HIVEP3: variants seen among roughly 807,000 people sequenced by gnomAD.
HIVEP3 encodes transcription factor HIVEP3.
Under a neutral mutation model 152.8 loss-of-function variants are expected in HIVEP3, and 49 were observed. The observed-to-expected ratio is 0.32, with a 90% CI of 0.26 to 0.41. The LOEUF is 0.41. Among genes scored for constraint, HIVEP3 ranks in the 10% least tolerant of loss-of-function variants. HIVEP3 has a pLI of 1.00. For synonymous variants in HIVEP3, 1,269 were observed against 1,289.0 expected, an observed-to-expected ratio of 0.98 and a Z score of 0.33; for missense variants, 2,790 against 3,103.3, an observed-to-expected ratio of 0.90 and a Z score of 2.40.
At chr1:41,963,072 C>T (rs1426389750) in intron 1 of HIVEP3, among the ~76,000 whole-genome samples, 1 of 152,132 alleles carries the variant, frequency 6.6e-6, no homozygotes, top group Non-Finnish European at 1.5e-5. Flanking sequence ...AGTGCAGTGG[C>T]GCGATCTCGG....
At chr1:41,626,549 C>T (rs552509674) in intron 3 of HIVEP3, among the ~76,000 whole-genome samples, 237 of 152,306 alleles carry the variant, frequency 1.6e-3, no homozygotes, top group Non-Finnish European at 3.0e-3. Context: ...CCCATCTGTA[C>T]TCCCTGGACA....
At chr1:41,728,058 G>A (rs1273119886) in intron 1 of HIVEP3, among the ~76,000 whole-genome samples, 1 of 152,138 alleles carries the variant, frequency 6.6e-6, no homozygotes, top group Admixed American at 6.5e-5. Flanking sequence ...ATGCATCAAC[G>A]CTTGCTGGTC....
upstream of HIVEP3, among the ~76,000 whole-genome samples, chr1:41,922,159 C>G (rs1225227218): frequency 6.6e-6 from 1 of 152,220 alleles, no homozygotes; most frequent in Non-Finnish European, 1.5e-5. Flanking sequence ...AGCAGGACTA[C>G]TGAAAGAATA....
rs746848465 is a variant in HIVEP3, at chr1:41,510,847, G to C, written c.6825C>G (p.Pro2275=). ...LSSELEGGDY[P]KERERTGGGP... ...CTCCGCCGGTCCTCTCCCTCTCCTT[G>C]GGGTAGTCCCCGCCCTCCAGCTCTG... The change falls in exon 9 of 9, where the codon CCC becomes CCG. Residue 2275 remains proline, a synonymous_variant. Coordinates refer to ENST00000372583, the MANE Select transcript of HIVEP3 (RefSeq NM_024503.5). 3.7e-6 allele frequency: 6 copies of C among 1,613,148 alleles called. No individual in the cohort carries two copies. The South Asian group carries it at 6.6e-5, about 18-fold the overall frequency.
chr1:41,510,215 T>G lies in HIVEP3; in HGVS notation c.*236A>C. 7.9e-6 allele frequency: 3 copies of G among 377,836 alleles called. No individual in the cohort carries two copies. The highest frequency in any genetic ancestry group is 9.1e-5 in the Admixed American group (2 of 21,890). 23.4% of individuals were successfully genotyped at this position (377,836 alleles called of 1,614,324 possible). A position where few individuals can be genotyped will look rare whatever the true frequency, so the allele number is the denominator to read the frequency against. On this transcript the variant is annotated 3_prime_UTR_variant, in exon 9 of 9. Coordinates refer to ENST00000372583, the MANE Select transcript of HIVEP3 (RefSeq NM_024503.5). ...TCACAGCCTCAGACTCCTCGTGGGT[T>G]GTTGTTTTTTTTTTAAATGTATGTA...
intron 1 of HIVEP3, among the ~76,000 whole-genome samples, chr1:42,005,547 G>A (rs1394988308): frequency 1.3e-5 from 2 of 152,114 alleles, no homozygotes; most frequent in Admixed American, 6.6e-5. Context: ...AACGATGGGG[G>A]GCTACCTTTA....
In HIVEP3 at chr1:41,716,680, G is replaced by T. The variant is rs114581625; in HGVS notation, c.-800-15685C>A. On this transcript the variant is annotated intron_variant, in intron 1 of 8. Transcript: ENST00000372583. Reference sequence around the variant, plus strand: ...CATTGGGAAATAGTCCCTGGACCCTGCTGGGAGAAAGCAGGTTGGGGATCC... The same window carrying T: ...CATTGGGAAATAGTCCCTGGACCCTTCTGGGAGAAAGCAGGTTGGGGATCC... Among the ~76,000 whole-genome samples the T allele has an allele frequency of 3.6e-3, 545 of 152,350 alleles. 4 individuals are homozygous for T. Among genetic ancestry groups the T allele is most frequent in the African/African-American group, 0.012 (517 of 41,574 alleles).
Position 41,509,766 on chromosome 1 carries a change from C to A in HIVEP3, c.*685G>T, listed in dbSNP as rs983498932. The A allele has an allele frequency of 6.7e-6, 1 of 148,284 alleles. No individual in the cohort carries two copies. Among genetic ancestry groups the A allele is most frequent in the Non-Finnish European group, 1.5e-5 (1 of 67,538 alleles). The allele number at this position is 148,284 out of a possible 1,614,324, so 9.2% of individuals were successfully genotyped here. ...TGGGGAGCCAGCCCTCCTCCTTCTA[C>A]CTGCACCTATTATTTTGTGTTGAAA... On this transcript the variant is annotated 3_prime_UTR_variant, in exon 9 of 9. Coordinates refer to ENST00000372583, the MANE Select transcript of HIVEP3 (RefSeq NM_024503.5).
chr1:41,565,873 G>A (rs539030799), intron 5 of HIVEP3, among the ~76,000 whole-genome samples: 1 of 152,304 alleles, frequency 6.6e-6, no homozygotes, highest in East Asian at 1.9e-4. Flanking sequence ...AGGGCTCAGA[G>A]CTCTGGAAGG....
chr1:41,932,257 A>AT (rs1644999853), intron 1 of HIVEP3, among the ~76,000 whole-genome samples: 1 of 150,560 alleles, frequency 6.6e-6, no homozygotes, highest in African/African-American at 2.4e-5. Context: ...TCATTGGTTG[A>AT]TTTTTCCAGT....
chr1:41,799,055 C>T (rs1410658220), intron 1 of HIVEP3, among the ~76,000 whole-genome samples: 1 of 152,234 alleles, frequency 6.6e-6, no homozygotes, highest in East Asian at 1.9e-4. Flanking sequence ...CAGAACTTCT[C>T]AGAACCTTTA....
At chr1:41,979,126 C>A (rs747905912) in intron 1 of HIVEP3, among the ~76,000 whole-genome samples, 9 of 152,128 alleles carry the variant, frequency 5.9e-5, no homozygotes, top group Non-Finnish European at 7.4e-5. Flanking sequence ...AATTCTCAGG[C>A]CCCACCTCTA....
intron 5 of HIVEP3, chr1:41,535,793 T>C (rs1243484772): frequency 6.6e-6 from 1 of 151,914 alleles, no homozygotes; most frequent in African/African-American, 2.4e-5. Flanking sequence ...AGAGGTTGAG[T>C]GTCTTGCCCA....
chr1:41,593,030 T>C (rs1167617163), intron 3 of HIVEP3, among the ~76,000 whole-genome samples: 1 of 152,206 alleles, frequency 6.6e-6, no homozygotes, highest in Non-Finnish European at 1.5e-5. Context: ...TTCTGTCCCC[T>C]GCCTCTCCTT....
chr1:42,015,403 G>C (rs1209847766), intron 1 of HIVEP3, among the ~76,000 whole-genome samples: 1 of 152,188 alleles, frequency 6.6e-6, no homozygotes, highest in Non-Finnish European at 1.5e-5. Context: ...CAGGGGCATG[G>C]GTTTCCTCTG....
intron 1 of HIVEP3, among the ~76,000 whole-genome samples, chr1:41,947,487 T>C (rs2124489160): frequency 6.6e-6 from 1 of 152,366 alleles, no homozygotes. Flanking sequence ...AACAGGCTTC[T>C]GCCGAATATG....
chr1:41,798,387 G>A (rs577882149), intron 1 of HIVEP3, among the ~76,000 whole-genome samples: 16 of 152,106 alleles, frequency 1.1e-4, no homozygotes, highest in Non-Finnish European at 2.2e-4. Flanking sequence ...ACCATACCTG[G>A]AGGGAATATT....
At chr1:42,023,303 G>A (rs564985748) in intron 1 of HIVEP3, among the ~76,000 whole-genome samples, 8 of 152,218 alleles carry the variant, frequency 5.3e-5, no homozygotes, top group South Asian at 4.2e-4. Flanking sequence ...CACCACACCC[G>A]GCCATCAACC....
At chr1:41,833,414 T>C (rs1182759586) in intron 1 of HIVEP3, among the ~76,000 whole-genome samples, 1 of 98,876 alleles carries the variant, frequency 1.0e-5, no homozygotes, top group East Asian at 4.0e-4. Flanking sequence ...TGAGGCTCAA[T>C]GGCTTAGAGA....
Sources: allele counts gnomAD v4.1 joint callset (sites outside exome capture counted in the v4.1 genomes callset), GRCh38; gene constraint gnomAD v4.1.1; transcripts MANE v1.5; gene names NCBI Gene and HGNC (gene_info 2026-07-23, HGNC 2026-07-21).